DBF4B: variants seen among roughly 807,000 people sequenced by gnomAD.
DBF4B encodes protein DBF4 homolog B.
Under a neutral mutation model 53.4 loss-of-function variants are expected in DBF4B, and 49 were observed. That is an observed-to-expected ratio of 0.92 (90% CI 0.73 to 1.16). The LOEUF (loss-of-function observed/expected upper bound fraction) is 1.16. Among genes scored for constraint, DBF4B ranks in the 50% most tolerant of loss-of-function variants. The pLI is 0.00. For synonymous variants in DBF4B, 257 were observed against 288.7 expected, an observed-to-expected ratio of 0.89 and a Z score of 1.11; for missense variants, 692 against 775.0, an observed-to-expected ratio of 0.89 and a Z score of 1.27.
At chr17:44,713,447 GT>G (rs1309430095) in intron 2 of DBF4B, among the ~76,000 whole-genome samples, 1 of 151,878 alleles carries the variant, frequency 6.6e-6, no homozygotes, top group Non-Finnish European at 1.5e-5. Context: ...GAGGTTAGGA[GT>G]TTGAGACCAG....
At chr17:44,719,987 G>A (rs183030686) in intron 2 of DBF4B, 144 of 209,004 alleles carry the variant, frequency 6.9e-4, no homozygotes, top group Admixed American at 1.6e-3. Context: ...CCAGTAAGAC[G>A]TTTTGCAATT....
At chr17:44,720,423 C>T (rs1353412820) in intron 2 of DBF4B, 10 of 231,598 alleles carry the variant, frequency 4.3e-5, no homozygotes, top group Admixed American at 2.2e-4. Flanking sequence ...CATAGCAGAT[C>T]GGGAATATCT....
chr17:44,740,602 A>G (rs913053634), intron 9 of DBF4B, among the ~76,000 whole-genome samples: 1 of 152,308 alleles, frequency 6.6e-6, no homozygotes, highest in Non-Finnish European at 1.5e-5. Context: ...TCCATTTAGA[A>G]TCTGCCAGGC....
intron 1 of DBF4B, 58 bp from the exon 2 acceptor site, chr17:44,709,246 G>A: frequency 1.2e-6 from 2 of 1,606,014 alleles, no homozygotes; most frequent in Non-Finnish European, 1.7e-6. Context: ...TGGGCGGGAG[G>A]CATGGAAGTT....
intron 1 of DBF4B, 172 bp downstream of exon 1, chr17:44,709,011 G>A: frequency 2.2e-6 from 2 of 915,634 alleles, no homozygotes; most frequent in South Asian, 1.7e-5. Flanking sequence ...GAGGAATGAA[G>A]GTGGCAGAGG....
rs1023345402 is a variant in DBF4B at position 44,732,222 on chromosome 17, G to T, written c.513G>T (p.Leu171=). ...GGGSGGSSSL[L]TNARSWGVRI... is the part of the protein sequence containing the mutation. ...GCAGTGGGGGCAGCAGCAGCCTCCT[G>T]ACCAATGCCCGCTCTTGGGGAGTGA... The change falls in exon 6 of 14, where the codon CTG becomes CTT. Residue 171 remains leucine (L), a synonymous_variant. Transcript: ENST00000315005. The T allele has an allele frequency of 6.2e-7, 1 of 1,614,118 alleles. No individual in the cohort carries two copies. The highest frequency in any genetic ancestry group is 1.3e-5 in the African/African-American group (1 of 75,042).
At chr17:44,711,656 AC>A (rs1259388463) in intron 2 of DBF4B, among the ~76,000 whole-genome samples, 1 of 152,064 alleles carries the variant, frequency 6.6e-6, no homozygotes, top group African/African-American at 2.4e-5. Flanking sequence ...TACTAAAAAT[AC>A]AAAAAACAGA....
intron 10 of DBF4B, among the ~76,000 whole-genome samples, chr17:44,742,097 AAAAT>A: frequency 6.6e-6 from 1 of 151,824 alleles, no homozygotes; most frequent in Non-Finnish European, 1.5e-5. Context: ...ACAAAAAATA[AAAAT>A]AAAAATGTAA....
At chr17:44,737,650 G>A (rs1265434227) in intron 8 of DBF4B, among the ~76,000 whole-genome samples, 2 of 152,078 alleles carry the variant, frequency 1.3e-5, no homozygotes, top group African/African-American at 2.4e-5. Flanking sequence ...CTGCCCCTTC[G>A]ACAGGACTCC....
At position 44,729,889 on chromosome 17, in the gene DBF4B, T is replaced by C. The variant is rs755539429; in HGVS notation, c.226-16T>C. The C allele has an allele frequency of 2.5e-6, 4 of 1,609,994 alleles. No homozygotes were observed. On this transcript the variant is annotated splice_polypyrimidine_tract_variant and intron_variant, in intron 3 of 13. Transcript: ENST00000315005. ...TTGCTTTTTGGTTTTCAGCCACCTC[T>C]GTGATCTGGTTTCAGGTAATTGAGG...
rs1052480044 is a variant in DBF4B, at chr17:44,751,384, C to T, written c.*131C>T. On this transcript the variant is annotated 3_prime_UTR_variant, in exon 14 of 14. Coordinates refer to ENST00000315005, the MANE Select transcript of DBF4B (RefSeq NM_145663.3). Reference sequence around the variant, plus strand: ...TTCCACTCCAGCCCCCTTTCCACATCGCACCAGATGACTTTTACCCAGACC... The same window carrying T: ...TTCCACTCCAGCCCCCTTTCCACATTGCACCAGATGACTTTTACCCAGACC... 2.8e-6 allele frequency: 4 copies of T among 1,440,522 alleles called. No individual in the cohort carries two copies. Among genetic ancestry groups the T allele is most frequent in the Non-Finnish European group, 3.6e-6 (4 of 1,102,076 alleles). The allele number at this position is 1,440,522 out of a possible 1,614,324, so 89.2% of individuals were successfully genotyped here. A position where few individuals can be genotyped will look rare whatever the true frequency, so the allele number is the denominator to read the frequency against.
chr17:44,736,885 C>T lies in DBF4B; in HGVS notation c.667+19C>T. On this transcript the variant is annotated intron_variant, in intron 8 of 13. Transcript: ENST00000315005. ...CGGAAAGGTCAGTGTGGTAGCTTTTCCTCATCTAATTGCAATCCCTCCCTC... is the reference window on the plus strand; with the variant it reads ...CGGAAAGGTCAGTGTGGTAGCTTTTTCTCATCTAATTGCAATCCCTCCCTC... 6.2e-7 allele frequency: 1 copy of T among 1,613,642 alleles called. No individual in the cohort carries two copies. Among genetic ancestry groups the T allele is most frequent in the Non-Finnish European group, 8.5e-7 (1 of 1,179,688 alleles).
rs772882508 is a variant in DBF4B, at chr17:44,708,832, G to T, written c.12G>T (p.Pro4=). The change falls in exon 1 of 14, where the codon CCG becomes CCT. Residue 4 remains proline, a synonymous_variant. Coordinates refer to ENST00000315005, the MANE Select transcript of DBF4B (RefSeq NM_145663.3). MSE[P]GKGDDCLELE... is the part of the protein sequence containing the mutation. The stretch of plus-strand genomic sequence containing the variant: ...GGAGCCGGCATTTGATGAGCGAACC[G>T]GGAAAGGGTACGGATGCCGGGAAGG... 1.3e-5 allele frequency: 20 copies of T among 1,551,474 alleles called. No individual in the cohort carries two copies. The highest frequency in any genetic ancestry group is 1.7e-5 in the Non-Finnish European group (19 of 1,147,004).
rs1183838101 is a variant in DBF4B at position 44,749,341 on chromosome 17, G to A, written c.1189+876G>A. The A allele has an allele frequency of 2.3e-6, 3 of 1,289,836 alleles. No homozygotes were observed. Among genetic ancestry groups the A allele is most frequent in the African/African-American group, 3.0e-5 (2 of 65,864 alleles). 79.9% of individuals were successfully genotyped at this position (1,289,836 alleles called of 1,614,324 possible). On this transcript the variant is annotated intron_variant, in intron 13 of 13. Transcript: ENST00000315005. The surrounding 1 kb of genome is among the most constrained non-coding windows in gnomAD (Gnocchi z 4.4). ...CCCCAAGGTGCTTGGCTCTTCACAG[G>A]GCCAGGCAGCTCCAGATTGAAGGGC... is the stretch of plus-strand genomic sequence containing the variant.
At chr17:44,716,499 A>AT (rs1294054980) in intron 2 of DBF4B, among the ~76,000 whole-genome samples, 1 of 151,900 alleles carries the variant, frequency 6.6e-6, no homozygotes, top group East Asian at 1.9e-4. Flanking sequence ...TAGTCCAGGG[A>AT]TTTTTTCAGC....
intron 2 of DBF4B, among the ~76,000 whole-genome samples, chr17:44,710,609 G>C (rs1305371408): frequency 2.0e-5 from 3 of 152,158 alleles, no homozygotes; most frequent in Non-Finnish European, 4.4e-5. Flanking sequence ...CTTGCACCCA[G>C]GCTGGAGTGC....
intron 2 of DBF4B, chr17:44,720,239 A>T: frequency 3.0e-6 from 1 of 335,324 alleles, no homozygotes. Context: ...ACAGCTTTAG[A>T]GGCACATCTT....
At chr17:44,727,116 A>G (rs988123287) in intron 3 of DBF4B, among the ~76,000 whole-genome samples, 19 of 149,694 alleles carry the variant, frequency 1.3e-4, no homozygotes, top group African/African-American at 4.7e-4. Context: ...AAAAAAAAAA[A>G]AAAAAACCAT....
chr17:44,752,077 T>A lies in DBF4B; in HGVS notation c.*824T>A, dbSNP rs1036974880. The A allele has an allele frequency of 7.6e-7, 1 of 1,311,916 alleles. No homozygotes were observed. Among genetic ancestry groups the A allele is most frequent in the African/African-American group, 1.5e-5 (1 of 68,588 alleles). The allele number at this position is 1,311,916 out of a possible 1,614,324, so 81.3% of individuals were successfully genotyped here. A position where few individuals can be genotyped will look rare whatever the true frequency, so the allele number is the denominator to read the frequency against. On this transcript the variant is annotated 3_prime_UTR_variant, in exon 14 of 14. Transcript: ENST00000315005. Reference sequence around the variant, plus strand: ...TGAGCCTTTCACTTCTCGGCAGATGTGACCGATTGGTAGCTCCACCCCAAC... The same window carrying A: ...TGAGCCTTTCACTTCTCGGCAGATGAGACCGATTGGTAGCTCCACCCCAAC...
Sources: allele counts gnomAD v4.1 joint callset (sites outside exome capture counted in the v4.1 genomes callset), GRCh38; gene constraint gnomAD v4.1.1; non-coding constraint Gnocchi (gnomAD v3.1); transcripts MANE v1.5; gene names NCBI Gene and HGNC (gene_info 2026-07-23, HGNC 2026-07-21).